The following GALK2 variants were observed in gnomAD, a reference collection of about 807,000 sequenced individuals.
GALK2 encodes the protein N-acetylgalactosamine kinase.
Under a neutral mutation model 52.4 loss-of-function variants are expected in GALK2, and 36 were observed. The ratio of observed to expected loss-of-function variants is 0.69; its 90% CI spans 0.53 to 0.91. The LOEUF is 0.91. GALK2 is among the 40% of genes least tolerant of loss of function. The probability of loss-of-function intolerance (pLI) is 0.00; values close to 1 mark genes in which losing one functional copy is unlikely to be tolerated. For missense variants in GALK2, 579 were observed against 559.1 expected (o/e 1.04, Z -0.36); for synonymous variants, 176 against 199.1 (o/e 0.88, Z 0.98).
At chr15:49,312,668 C>A (rs920155754) in intron 8 of GALK2, among the ~76,000 whole-genome samples, 1 of 152,166 alleles carries the variant, frequency 6.6e-6, no homozygotes, top group African/African-American at 2.4e-5. Flanking sequence ...CACTGGAGAA[C>A]CCTGATTAGT....
chr15:49,196,050 T>C (rs3105865), intron 1 of GALK2, among the ~76,000 whole-genome samples: 41,797 of 151,984 alleles, frequency 0.28, 6,258 homozygotes, highest in East Asian at 0.43. Context: ...TTATCCCCCA[T>C]ATTATTAATT....
At chr15:49,237,299 T>G (rs979085417) in intron 4 of GALK2, among the ~76,000 whole-genome samples, 2 of 152,212 alleles carry the variant, frequency 1.3e-5, no homozygotes, top group Non-Finnish European at 2.9e-5. Context: ...AACTTTCAAA[T>G]TCAAATACTA....
intron 7 of GALK2, among the ~76,000 whole-genome samples, chr15:49,291,378 A>G (rs2033919395): frequency 1.3e-5 from 2 of 152,188 alleles, no homozygotes; most frequent in South Asian, 2.1e-4. Flanking sequence ...CCAGAGTACA[A>G]TAGTCTTTTG....
intron 5 of GALK2, among the ~76,000 whole-genome samples, chr15:49,275,245 T>C (rs1567008829): frequency 6.6e-6 from 1 of 152,210 alleles, no homozygotes; most frequent in Non-Finnish European, 1.5e-5. Flanking sequence ...CACTCCAAAA[T>C]GCTTTTGTGC....
intron 3 of GALK2, chr15:49,367,481 G>C: frequency 6.3e-7 from 1 of 1,598,672 alleles, no homozygotes; most frequent in East Asian, 2.3e-5. Context: ...TTTAATCTTG[G>C]TTTTCTTAGG....
At chr15:49,265,812 A>C (rs1184988891) in intron 5 of GALK2, among the ~76,000 whole-genome samples, 1 of 152,214 alleles carries the variant, frequency 6.6e-6, no homozygotes, top group African/African-American at 2.4e-5. Context: ...TGTGAAGATA[A>C]AATATTCCAA....
intron 1 of GALK2, chr15:49,170,694 C>G (rs1303190294): frequency 2.6e-5 from 7 of 272,316 alleles, no homozygotes; most frequent in Non-Finnish European, 2.8e-5. Flanking sequence ...GAACTCCTCT[C>G]TTTGTCTCGC....
At chr15:49,346,034 G>C (rs2041433103) in intron 3 of GALK2, among the ~76,000 whole-genome samples, 1 of 148,352 alleles carries the variant, frequency 6.7e-6, no homozygotes, top group Admixed American at 6.8e-5. Flanking sequence ...GCTTGCTTTT[G>C]GTCACTTGCT....
At chr15:49,261,600 C>G (rs1282978347) in intron 5 of GALK2, among the ~76,000 whole-genome samples, 1 of 151,244 alleles carries the variant, frequency 6.6e-6, no homozygotes, top group African/African-American at 2.4e-5. Context: ...ACTTCCAACA[C>G]TATGTTGAAT....
At chr15:49,354,048 GTTCT>G (rs1448231112) in intron 3 of GALK2, 27 of 152,276 alleles carry the variant, frequency 1.8e-4, no homozygotes, top group Admixed American at 1.7e-3. Flanking sequence ...GAGTCTCAGA[GTTCT>G]TTTTTTCACT....
chr15:49,227,703 T>A (rs1160713867), intron 3 of GALK2, among the ~76,000 whole-genome samples: 2 of 152,076 alleles, frequency 1.3e-5, no homozygotes, highest in Non-Finnish European at 2.9e-5. Context: ...GTTTTATATA[T>A]CTTTTTTCTT....
intron 1 of GALK2, among the ~76,000 whole-genome samples, chr15:49,162,370 A>G (rs1595847907): frequency 6.6e-6 from 1 of 152,186 alleles, no homozygotes; most frequent in East Asian, 1.9e-4. Context: ...ATTACAATTC[A>G]TCTTACCCAT....
At chr15:49,259,003 T>C (rs2091958156) in intron 5 of GALK2, among the ~76,000 whole-genome samples, 1 of 151,652 alleles carries the variant, frequency 6.6e-6, no homozygotes, top group African/African-American at 2.4e-5. Flanking sequence ...GTTGTTTTTT[T>C]CTTGTAAATT....
At chr15:49,360,679 T>C (rs1024005672) in intron 3 of GALK2, among the ~76,000 whole-genome samples, 5 of 152,158 alleles carry the variant, frequency 3.3e-5, no homozygotes, top group Admixed American at 2.6e-4. Flanking sequence ...CATCAAAGTT[T>C]TTCTCCTGTT....
intron 5 of GALK2, among the ~76,000 whole-genome samples, chr15:49,275,139 A>G (rs2031443929): frequency 6.6e-6 from 1 of 152,186 alleles, no homozygotes; most frequent in African/African-American, 2.4e-5. Context: ...GTTTACATCA[A>G]CATCACCACA....
chr15:49,236,086 G>A, intron 4 of GALK2, 145 bp downstream of exon 4: 1 of 627,130 alleles, frequency 1.6e-6, no homozygotes, highest in Non-Finnish European at 2.8e-6. Flanking sequence ...GTTTCAGAGA[G>A]TGGGGAAGAT....
intron 3 of GALK2, among the ~76,000 whole-genome samples, chr15:49,355,715 G>A (rs1229049617): frequency 6.6e-6 from 1 of 150,558 alleles, no homozygotes; most frequent in African/African-American, 2.4e-5. Flanking sequence ...GCAGGCCAAC[G>A]TTCAGATTCA....
intron 2 of GALK2, among the ~76,000 whole-genome samples, chr15:49,204,155 T>C (rs962675793): frequency 1.3e-5 from 2 of 151,626 alleles, no homozygotes; most frequent in Non-Finnish European, 2.9e-5. Flanking sequence ...TGGATTTAGC[T>C]CTGGGTTCTC....
intron 3 of GALK2, among the ~76,000 whole-genome samples, chr15:49,231,883 C>G (rs950546928): frequency 6.6e-6 from 1 of 152,246 alleles, no homozygotes; most frequent in African/African-American, 2.4e-5. Flanking sequence ...AGTAAAGCCC[C>G]TGAGGCTGCT....
Sources: gnomAD v4.1 joint callset for allele counts (sites outside exome capture counted in the v4.1 genomes callset) on GRCh38, gnomAD v4.1.1 for gene constraint, MANE v1.5 for transcripts, NCBI Gene and HGNC (gene_info 2026-07-23, HGNC 2026-07-21) for gene names.